MMP26: variants seen among roughly 807,000 people sequenced by gnomAD.
MMP26 encodes matrix metallopeptidase 26, also known as matrix metalloproteinase-26.
Under a neutral mutation model 31.0 loss-of-function variants are expected in MMP26, and 33 were observed. The observed-to-expected ratio is 1.06, with a 90% CI of 0.81 to 1.42. The LOEUF is 1.42. MMP26 is among the 40% of genes most tolerant of loss of function. MMP26 has a pLI of 0.00. For synonymous variants in MMP26, 122 were observed against 114.9 expected (o/e 1.06, Z -0.40); for missense variants, 347 against 316.1 (o/e 1.10, Z -0.74).
intron 2 of MMP26, among the ~76,000 whole-genome samples, chr11:4,904,833 T>A (rs10500631): frequency 0.096 from 14,689 of 152,228 alleles, 899 homozygotes; most frequent in Middle Eastern, 0.19. Context: ...TCTTTACATA[T>A]TTGCTGAGAG....
At chr11:4,835,001 A>G (rs1849696925) in intron 2 of MMP26, among the ~76,000 whole-genome samples, 1 of 152,156 alleles carries the variant, frequency 6.6e-6, no homozygotes, top group African/African-American at 2.4e-5. Context: ...CCCCATGGAA[A>G]CATTCAAACA....
intron 2 of MMP26, among the ~76,000 whole-genome samples, chr11:4,821,020 G>T (rs1271095024): frequency 2.0e-5 from 3 of 152,072 alleles, no homozygotes; most frequent in Admixed American, 6.6e-5. Context: ...GACTTAGTTT[G>T]CTCAGTGTTT....
At chr11:4,838,275 G>A (rs1005998938) in intron 2 of MMP26, among the ~76,000 whole-genome samples, 2 of 118,848 alleles carry the variant, frequency 1.7e-5, no homozygotes, top group Admixed American at 1.2e-4. Flanking sequence ...CCGAGATCTC[G>A]CCATTGTGCT....
chr11:4,768,368 T>G (rs1177249161), intron 2 of MMP26, among the ~76,000 whole-genome samples: 1 of 152,208 alleles, frequency 6.6e-6, no homozygotes, highest in Non-Finnish European at 1.5e-5. Flanking sequence ...GAATTATCCA[T>G]GAAGAAAACA....
intron 2 of MMP26, among the ~76,000 whole-genome samples, chr11:4,929,623 C>T (rs1005757561): frequency 3.9e-5 from 6 of 152,004 alleles, no homozygotes; most frequent in African/African-American, 1.4e-4. Flanking sequence ...CTTTTTATTG[C>T]AGTTTTTCTA....
intron 2 of MMP26, among the ~76,000 whole-genome samples, chr11:4,978,675 G>C (rs1846772323): frequency 6.6e-6 from 1 of 152,022 alleles, no homozygotes; most frequent in African/African-American, 2.4e-5. Context: ...CTGTGTCCTG[G>C]AAGATATGGC....
At chr11:4,756,911 A>G (rs1457777290) in intron 1 of MMP26, 2 of 152,192 alleles carry the variant, frequency 1.3e-5, no homozygotes, top group East Asian at 1.9e-4. Flanking sequence ...ATGTAAATGG[A>G]TTAGAAGACT....
chr11:4,803,600 A>T, intron 2 of MMP26: 1 of 1,614,074 alleles, frequency 6.2e-7, no homozygotes, highest in Non-Finnish European at 8.5e-7. Flanking sequence ...GTGAGGAAAG[A>T]AAAAAGGGCT....
At chr11:4,806,855 G>C (rs984621508) in intron 2 of MMP26, among the ~76,000 whole-genome samples, 1 of 152,062 alleles carries the variant, frequency 6.6e-6, no homozygotes, top group African/African-American at 2.4e-5. Context: ...CCCTTTGCCT[G>C]TCCCAGACTT....
At chr11:4,904,362 C>G (rs1232386553) in intron 2 of MMP26, among the ~76,000 whole-genome samples, 1 of 152,054 alleles carries the variant, frequency 6.6e-6, no homozygotes, top group Admixed American at 6.5e-5. Flanking sequence ...AATAGCAATT[C>G]TAAGTGGTAT....
rs966608687 is a variant in MMP26, at chr11:4,952,050, A to G, written c.-144-36018A>G. 2.4e-5 allele frequency among the ~76,000 whole-genome samples: 3 copies of G among 124,362 alleles called. 1 individual carries two copies. The highest frequency in any genetic ancestry group is 9.0e-5 in the Admixed American group (1 of 11,162). The allele number at this position is 124,362 out of a possible 152,430, so 81.6% of individuals were successfully genotyped here. A position where few individuals can be genotyped will look rare whatever the true frequency, so the allele number is the denominator to read the frequency against. ...GTCTGCTGTTATGATATTTTACCTCAGAATGTTTACGTTTCTTTAAGATAA... is the reference window on the plus strand; with the variant it reads ...GTCTGCTGTTATGATATTTTACCTCGGAATGTTTACGTTTCTTTAAGATAA... On this transcript the variant is annotated intron_variant, in intron 2 of 7. Coordinates refer to ENST00000380390, the MANE Select transcript of MMP26 (RefSeq NM_021801.5).
intron 2 of MMP26, among the ~76,000 whole-genome samples, chr11:4,778,083 C>G (rs1400208617): frequency 6.6e-6 from 1 of 152,048 alleles, no homozygotes; most frequent in African/African-American, 2.4e-5. Flanking sequence ...GTGTATATGG[C>G]AGTGCATGGC....
intron 4 of MMP26, among the ~76,000 whole-genome samples, chr11:4,990,105 T>G (rs1846975445): frequency 6.6e-6 from 1 of 152,222 alleles, no homozygotes. Flanking sequence ...AAATCTTTTC[T>G]TTTTAATTTT....
intron 2 of MMP26, among the ~76,000 whole-genome samples, chr11:4,959,158 A>C (rs1430455795): frequency 2.7e-5 from 4 of 145,486 alleles, no homozygotes; most frequent in Non-Finnish European, 6.0e-5. Context: ...GAACGGCGTG[A>C]ATACGGGAGG....
rs2133566384 is a variant in MMP26, at chr11:4,907,856, T to A, written c.-144-80212T>A. 5 of 1,613,916 alleles carry A rather than the reference T, an allele frequency of 3.1e-6. No homozygotes were observed. In the Middle Eastern group the frequency reaches 6.6e-4, roughly 213 times the overall value. ...CTTAGTGATTCCATTTCCCTTCACC[T>A]TAAGGAGATTAAAATATTGTCAAAA... is the stretch of plus-strand genomic sequence containing the variant. On this transcript the variant is annotated intron_variant, in intron 2 of 7. Transcript: ENST00000380390.
chr11:4,938,338 T>C (rs1049542107), intron 2 of MMP26: 1 of 151,924 alleles, frequency 6.6e-6, no homozygotes, highest in Non-Finnish European at 1.5e-5. Flanking sequence ...CTCAGTGCAG[T>C]TGGAAATTTC....
intron 2 of MMP26, chr11:4,923,757 TGATGCTA>T (rs773829556): frequency 3.2e-5 from 52 of 1,613,706 alleles, no homozygotes; most frequent in Non-Finnish European, 4.2e-5. Context: ...TGATTGACAA[TGATGCTA>T]GAGCAGGCCA....
At chr11:4,981,523 G>T (rs866649398) in intron 2 of MMP26, among the ~76,000 whole-genome samples, 1 of 152,096 alleles carries the variant, frequency 6.6e-6, no homozygotes, top group East Asian at 1.9e-4. Context: ...CTTTGGTAGG[G>T]CACTTACTAT....
At chr11:4,809,638 C>G (rs1390126387) in intron 2 of MMP26, among the ~76,000 whole-genome samples, 1 of 152,154 alleles carries the variant, frequency 6.6e-6, no homozygotes, top group Admixed American at 6.5e-5. Flanking sequence ...AATGCTGGAG[C>G]AGTGTGGGGT....
Sources: gnomAD v4.1 joint callset for allele counts (sites outside exome capture counted in the v4.1 genomes callset) on GRCh38, gnomAD v4.1.1 for gene constraint, MANE v1.5 for transcripts, NCBI Gene and HGNC (gene_info 2026-07-23, HGNC 2026-07-21) for gene names.